Variants in GIMAP8 observed in about 807,000 individuals in gnomAD.
GIMAP8 encodes the protein GTPase IMAP family member 8.
Under a neutral mutation model 35.6 loss-of-function variants are expected in GIMAP8, and 29 were observed. The observed-to-expected ratio is 0.81, with a 90% CI of 0.61 to 1.11. The LOEUF (loss-of-function observed/expected upper bound fraction) is 1.11, where lower values mean the gene tolerates loss of function less well. Ranked by LOEUF, GIMAP8 falls within the 50% of genes most tolerant of loss-of-function variation. The probability of loss-of-function intolerance (pLI) is 0.00; values close to 1 mark genes in which losing one functional copy is unlikely to be tolerated. For synonymous variants in GIMAP8, 335 were observed against 308.7 expected (o/e 1.09, Z -0.89); for missense variants, 811 against 805.0 (o/e 1.01, Z -0.09).
intron 1 of GIMAP8, among the ~76,000 whole-genome samples, chr7:150,460,636 T>C (rs1477960634): frequency 6.6e-6 from 1 of 152,230 alleles, no homozygotes; most frequent in African/African-American, 2.4e-5. Context: ...TGCAGAACTA[T>C]CTGTAAACCA....
At chr7:150,465,279 A>G (rs1163925981) in intron 1 of GIMAP8, among the ~76,000 whole-genome samples, 3 of 151,888 alleles carry the variant, frequency 2.0e-5, no homozygotes, top group Admixed American at 2.0e-4. Flanking sequence ...GTAGATCTGC[A>G]TAGGTAAACC....
chr7:150,467,351 T>C lies in GIMAP8; in HGVS notation c.636+17T>C, dbSNP rs1167912512. 6.3e-7 allele frequency: 1 copy of C among 1,599,990 alleles called. No homozygotes were observed. The highest frequency in any genetic ancestry group is 8.5e-7 in the Non-Finnish European group (1 of 1,170,600). ...AGGTTTCAAGTAAGAATTTTGTTAATATCTTGAAAGATCTCTATGTTGCTG... is the reference window on the plus strand; with the variant it reads ...AGGTTTCAAGTAAGAATTTTGTTAACATCTTGAAAGATCTCTATGTTGCTG... On this transcript the variant is annotated intron_variant, in intron 2 of 4. Transcript: ENST00000307271.
At position 150,478,060 on chromosome 7, in the gene GIMAP8, A is replaced by G. The variant is rs1585122876; in HGVS notation, c.*280A>G. ...TGATAATAAGTGGTAGAATCAAGTC[A>G]CAAGAATCACCTCACTTGTGTAGGT... On this transcript the variant is annotated 3_prime_UTR_variant, in exon 5 of 5. Coordinates refer to ENST00000307271, the MANE Select transcript of GIMAP8 (RefSeq NM_175571.4). The G allele has an allele frequency of 2.2e-6, 1 of 455,674 alleles. No individual in the cohort carries two copies. Among genetic ancestry groups the G allele is most frequent in the East Asian group, 3.9e-5 (1 of 25,908 alleles). The allele number at this position is 455,674 out of a possible 1,614,324, so 28.2% of individuals were successfully genotyped here. A position where few individuals can be genotyped will look rare whatever the true frequency, so the allele number is the denominator to read the frequency against.
At chr7:150,463,257 C>G (rs1311075187) in intron 1 of GIMAP8, among the ~76,000 whole-genome samples, 1 of 151,484 alleles carries the variant, frequency 6.6e-6, no homozygotes, top group African/African-American at 2.4e-5. Context: ...TTTCTGATTT[C>G]TTTGTATTGT....
Position 150,472,273 on chromosome 7 carries a change from G to A in GIMAP8, c.682+1399G>A, listed in dbSNP as rs1040457592. Among the ~76,000 whole-genome samples the A allele has an allele frequency of 5.3e-5, 8 of 152,190 alleles. No individual in the cohort carries two copies. Among genetic ancestry groups the A allele is most frequent in the South Asian group, 2.1e-4 (1 of 4,830 alleles). The stretch of plus-strand genomic sequence containing the variant: ...TGGGACTTTGCTCCAGGATGGATGC[G>A]CTTAGGAAGTGGGGGGTAGTTCCAC... On this transcript the variant is annotated intron_variant, in intron 3 of 4. Coordinates refer to ENST00000307271, the MANE Select transcript of GIMAP8 (RefSeq NM_175571.4). The surrounding 1 kb of genome is among the most constrained non-coding windows in gnomAD (Gnocchi z 4.1).
At chr7:150,470,379 A>G (rs1268866141) in intron 2 of GIMAP8, among the ~76,000 whole-genome samples, 2 of 152,184 alleles carry the variant, frequency 1.3e-5, no homozygotes, top group Non-Finnish European at 2.9e-5. Context: ...TGATTCCACA[A>G]CAATAAATAT....
At chr7:150,459,011 A>G (rs1801787588) in intron 1 of GIMAP8, among the ~76,000 whole-genome samples, 3 of 152,138 alleles carry the variant, frequency 2.0e-5, no homozygotes, top group South Asian at 2.1e-4. Flanking sequence ...TTTTCCCTTT[A>G]CCATCATCAG....
In GIMAP8 at chr7:150,474,009, C is replaced by G. The variant is rs1422760077; in HGVS notation, c.683-3C>G. On this transcript the variant is annotated splice_polypyrimidine_tract_variant and splice_region_variant and intron_variant, in intron 3 of 4. Transcript: ENST00000307271. ...ACTCTGAACCTGTCCATTTGTCCCA[C>G]AGGCCCAAGGGAAAGGCAGCTGCAG... The G allele has an allele frequency of 1.9e-6, 3 of 1,607,864 alleles. No homozygotes were observed. The African/African-American group carries it at 4.0e-5, about 22-fold the overall frequency.
chr7:150,459,572 G>A (rs568614208), intron 1 of GIMAP8, among the ~76,000 whole-genome samples: 5 of 152,260 alleles, frequency 3.3e-5, no homozygotes, highest in Admixed American at 2.0e-4. Flanking sequence ...ATGCTGATCC[G>A]GAGCATATAG....
chr7:150,468,628 A>G (rs1251925032), intron 2 of GIMAP8, among the ~76,000 whole-genome samples: 1 of 152,262 alleles, frequency 6.6e-6, no homozygotes, highest in South Asian at 2.1e-4. Context: ...ATATAACTTA[A>G]TAAGTCTCCA....
In GIMAP8 at chr7:150,467,251, C is replaced by G. The variant is rs1388557136; in HGVS notation, c.553C>G (p.Leu185Val). The G allele has an allele frequency of 3.1e-6, 5 of 1,614,086 alleles. No individual in the cohort carries two copies. In the Admixed American group the frequency reaches 6.7e-5, roughly 22 times the overall value. The change falls in exon 2 of 5, where the codon CTC becomes GTC. Residue 185 changes from leucine (L) to valine (V), a missense_variant. Leu to Val is a conservative substitution (Grantham distance 32). Coordinates refer to ENST00000307271, the MANE Select transcript of GIMAP8 (RefSeq NM_175571.4). Reference sequence around the variant, plus strand: ...TGAGCAGATCACCCAGGTGTTGGAGCTCCTTCGCAAGGTTGAGTCTTTGGT... The same window carrying G: ...TGAGCAGATCACCCAGGTGTTGGAGGTCCTTCGCAAGGTTGAGTCTTTGGT... ...KDEQITQVLE[L>V]LRKVESLVNT...
At chr7:150,463,900 C>A (rs753787512) in intron 1 of GIMAP8, among the ~76,000 whole-genome samples, 1 of 152,076 alleles carries the variant, frequency 6.6e-6, no homozygotes, top group Non-Finnish European at 1.5e-5. Flanking sequence ...AGTCTTTGGG[C>A]CCCTGGATGA....
rs781747870 is a variant in GIMAP8 at position 150,474,404 on chromosome 7, A to G, written c.1075A>G (p.Met359Val). 7.4e-6 allele frequency: 12 copies of G among 1,614,170 alleles called. No homozygotes were observed. Among genetic ancestry groups the G allele is most frequent in the Middle Eastern group, 1.6e-4 (1 of 6,062 alleles). Residue 359 changes from methionine (M) to valine (V), a missense_variant, in exon 4 of 5, where the codon ATG becomes GTG. Coordinates refer to ENST00000307271, the MANE Select transcript of GIMAP8 (RefSeq NM_175571.4). ...NNFGEKFFEY[M>V]IILLTRKEDL... ...TTTTGGAGAAAAATTCTTTGAGTAC[A>G]TGATCATACTTCTTACCAGGAAAGA...
chr7:150,456,665 C>T (rs543061967), intron 1 of GIMAP8, among the ~76,000 whole-genome samples: 12 of 152,296 alleles, frequency 7.9e-5, no homozygotes, highest in East Asian at 1.9e-4. Context: ...ACACCTTGGG[C>T]GACCATTCTG....
In GIMAP8 at chr7:150,477,276, C is replaced by G; in HGVS notation, c.1494C>G (p.Asn498Lys). The change falls in exon 5 of 5, where the codon AAC becomes AAG. Residue 498 changes from asparagine to lysine, a missense_variant. Transcript: ENST00000307271. The part of the protein sequence containing the change: ...EVVVVDTPSF[N>K]QMLDVEKDPS... ...TGGTTGTGGACACTCCTTCCTTCAA[C>G]CAGATGCTGGATGTCGAAAAGGACC... The G allele has an allele frequency of 6.2e-7, 1 of 1,614,054 alleles. No individual in the cohort carries two copies.
At chr7:150,475,480 A>G (rs1174865621) in intron 4 of GIMAP8, among the ~76,000 whole-genome samples, 1 of 152,196 alleles carries the variant, frequency 6.6e-6, no homozygotes, top group Non-Finnish European at 1.5e-5. Context: ...TGTCTTGAAG[A>G]AAGGAGCTGA....
chr7:150,452,709 T>TATATATATATATATATACACAC (rs1373884339), intron 1 of GIMAP8, among the ~76,000 whole-genome samples: 2 of 106,628 alleles, frequency 1.9e-5, no homozygotes, highest in African/African-American at 6.8e-5. Flanking sequence ...TATATATATA[T>TATATATATATATATATACACAC]ACATGCGAGT....
intron 1 of GIMAP8, among the ~76,000 whole-genome samples, chr7:150,458,826 T>C (rs1801783115): frequency 6.6e-6 from 1 of 152,214 alleles, no homozygotes; most frequent in South Asian, 2.1e-4. Context: ...AATCAATACA[T>C]CTTTTGTTAC....
intron 1 of GIMAP8, among the ~76,000 whole-genome samples, chr7:150,461,246 A>G (rs1439943297): frequency 1.3e-5 from 2 of 152,352 alleles, no homozygotes; most frequent in East Asian, 1.9e-4. Context: ...TTAAGTCCAC[A>G]TGATCTGTGG....
Sources: allele counts gnomAD v4.1 joint callset (sites outside exome capture counted in the v4.1 genomes callset), GRCh38; gene constraint gnomAD v4.1.1; non-coding constraint Gnocchi (gnomAD v3.1); transcripts MANE v1.5; gene names NCBI Gene and HGNC (gene_info 2026-07-23, HGNC 2026-07-21).